ELFN1: variants seen among roughly 807,000 people sequenced by gnomAD.
ELFN1 encodes extracellular leucine rich repeat and fibronectin type III domain containing 1.
Under a neutral mutation model 7.6 loss-of-function variants are expected in ELFN1, and 6 were observed. The observed-to-expected ratio is 0.79, with a 90% CI of 0.43 to 1.56. The LOEUF (loss-of-function observed/expected upper bound fraction) is 1.56, where lower values mean the gene tolerates loss of function less well. ELFN1 is among the 40% of genes most tolerant of loss of function. The probability of loss-of-function intolerance (pLI) is 0.01; values close to 1 mark genes in which losing one functional copy is unlikely to be tolerated. For synonymous variants in ELFN1, 657 were observed against 588.1 expected (o/e 1.12, Z -1.70); for missense variants, 1,169 against 1,232.2 (o/e 0.95, Z 0.77).
rs1311222583 is a variant in ELFN1 at position 1,735,805 on chromosome 7, C to T, written c.-293-8499C>T. On this transcript the variant is annotated intron_variant, in intron 3 of 3. Coordinates refer to ENST00000424383, the MANE Select transcript of ELFN1 (RefSeq NM_001128636.4). The surrounding 1 kb of genome is among the most constrained non-coding windows in gnomAD (Gnocchi z 5.9). Reference sequence around the variant, plus strand: ...GGAAATGAGTGTCTACTGGGCACCCCCTTGTACCCAGCATCATGCCAGGAG... The same window carrying T: ...GGAAATGAGTGTCTACTGGGCACCCTCTTGTACCCAGCATCATGCCAGGAG... Among the ~76,000 whole-genome samples the T allele has an allele frequency of 1.3e-5, 2 of 152,180 alleles. No homozygotes were observed.
intron 3 of ELFN1, among the ~76,000 whole-genome samples, chr7:1,711,874 G>C (rs963483714): frequency 6.6e-6 from 1 of 152,210 alleles, no homozygotes; most frequent in African/African-American, 2.4e-5. Flanking sequence ...GGGGGCGGCA[G>C]CTCGGACCGT....
chr7:1,729,003 T>C (rs1780267393), intron 3 of ELFN1, among the ~76,000 whole-genome samples: 1 of 152,092 alleles, frequency 6.6e-6, no homozygotes, highest in Admixed American at 6.5e-5. Flanking sequence ...ATTCTGCAAA[T>C]CACCCAGCTG....
intron 2 of ELFN1, among the ~76,000 whole-genome samples, chr7:1,703,259 G>A (rs747616562): frequency 2.3e-4 from 35 of 152,120 alleles, no homozygotes; most frequent in Non-Finnish European, 1.8e-4. Context: ...CAATTTGAAC[G>A]AGTTCTTTAC....
In ELFN1 at chr7:1,739,757, G is replaced by C. The variant is rs111964933; in HGVS notation, c.-293-4547G>C. ...CCGAGAGGCTGAGCAAGACAAAAATGGGCCCTGGCAGGGCAGAGGTCACCG... is the reference window on the plus strand; with the variant it reads ...CCGAGAGGCTGAGCAAGACAAAAATCGGCCCTGGCAGGGCAGAGGTCACCG... On this transcript the variant is annotated intron_variant, in intron 3 of 3. Coordinates refer to ENST00000424383, the MANE Select transcript of ELFN1 (RefSeq NM_001128636.4). This position sits in a 1 kb window ranked among gnomAD's most constrained non-coding sequence, Gnocchi z 4.6. Among the ~76,000 whole-genome samples, 5,668 of 152,250 alleles carry C rather than the reference G, an allele frequency of 0.037. 157 individuals carry two copies. The highest frequency in any genetic ancestry group is 0.062 in the Non-Finnish European group (4,211 of 68,002).
intron 2 of ELFN1, 103 bp downstream of exon 2, chr7:1,688,253 A>T (rs558660103): frequency 6.6e-6 from 1 of 152,078 alleles, no homozygotes; most frequent in Non-Finnish European, 1.5e-5. Flanking sequence ...TTTTGATTAC[A>T]TATGTTGAAA....
Position 1,744,978 on chromosome 7 carries a change from C to T in ELFN1, c.382C>T (p.Leu128=), listed in dbSNP as rs774875966. The change falls in exon 4 of 4, where the codon CTG becomes TTG. Residue 128 remains leucine (L), a synonymous_variant. Transcript: ENST00000424383. The part of the protein sequence containing the change: ...NRLRNLTEGM[L]RGLGKLEYLY... ...GCTGCGCAACCTCACGGAGGGCATG[C>T]TGCGCGGCCTGGGCAAGCTGGAGTA... 2 of 1,551,114 alleles carry T rather than the reference C, an allele frequency of 1.3e-6. No individual in the cohort carries two copies. Among genetic ancestry groups the T allele is most frequent in the South Asian group, 1.2e-5 (1 of 84,058 alleles).
At chr7:1,736,945 GA>G (rs201234985) in intron 3 of ELFN1, among the ~76,000 whole-genome samples, 5,123 of 152,136 alleles carry the variant, frequency 0.034, 275 homozygotes, top group African/African-American at 0.12. Flanking sequence ...GAGGGGAGAT[GA>G]TCCAGTTAAA....
rs1428412093 is a variant in ELFN1 at position 1,744,840 on chromosome 7, C to T, written c.244C>T (p.Arg82Cys). The change falls in exon 4 of 4, where the codon CGC becomes TGC. Residue 82 changes from arginine to cysteine, a missense_variant. Arg to Cys is a radical substitution (Grantham distance 180, BLOSUM62 -3). This residue lies in a region of ELFN1 where 255 missense variants were observed against 359.6 expected (regional missense o/e 0.71). Coordinates refer to ENST00000424383, the MANE Select transcript of ELFN1 (RefSeq NM_001128636.4). ...IRSVQYASLS[R>C]FGNLTYLNLT... ...CAGCGTGCAGTACGCCTCGCTCAGC[C>T]GCTTTGGCAACCTCACGTACCTCAA... 6 of 1,574,200 alleles carry T rather than the reference C, an allele frequency of 3.8e-6. No homozygotes were observed. The highest frequency in any genetic ancestry group is 2.7e-5 in the African/African-American group (2 of 74,156).
At chr7:1,723,092 G>C (rs530549941) in intron 3 of ELFN1, among the ~76,000 whole-genome samples, 2 of 152,304 alleles carry the variant, frequency 1.3e-5, no homozygotes, top group South Asian at 4.1e-4. Context: ...TACTCGGGAG[G>C]CTGAGGCAGG....
chr7:1,734,272 G>A (rs745663210), intron 3 of ELFN1, among the ~76,000 whole-genome samples: 2 of 152,126 alleles, frequency 1.3e-5, no homozygotes, highest in East Asian at 1.9e-4. Context: ...CTCCTCTCCC[G>A]GGGCCAGCCA....
chr7:1,746,402 C>T lies in ELFN1; in HGVS notation c.1806C>T (p.Ser602=), dbSNP rs1010455764. The change falls in exon 4 of 4, where the codon TCC becomes TCT. Residue 602 remains serine (S), a synonymous_variant. Coordinates refer to ENST00000424383, the MANE Select transcript of ELFN1 (RefSeq NM_001128636.4). ...CGGAGCCGCCGCTGGTGCTGCTGTC[C>T]GAGCCGCTGGCCGCCAAGCACGGCT... ...SVAEPPLVLL[S]EPLAAKHGFL... 80 of 1,534,706 alleles carry T rather than the reference C, an allele frequency of 5.2e-5. No individual in the cohort carries two copies. The highest frequency in any genetic ancestry group is 1.9e-4 in the African/African-American group (14 of 72,926).
chr7:1,719,071 C>T lies in ELFN1; in HGVS notation c.-294+9819C>T, dbSNP rs557651297. On this transcript the variant is annotated intron_variant, in intron 3 of 3. Transcript: ENST00000424383. ...ACATCTGGGGTTGAATGAGTGCCTC[C>T]ATCTCCACCCCCAGGGGTTACCAAC... 1.3e-3 allele frequency among the ~76,000 whole-genome samples: 198 copies of T among 152,254 alleles called. 1 individual carries two copies. Among genetic ancestry groups the T allele is most frequent in the African/African-American group, 4.6e-3 (190 of 41,518 alleles).
intron 3 of ELFN1, among the ~76,000 whole-genome samples, chr7:1,710,367 G>A (rs1241732562): frequency 2.0e-5 from 3 of 152,220 alleles, no homozygotes; most frequent in East Asian, 3.8e-4. Flanking sequence ...TTTAGAGGGA[G>A]GTATCTCAGG....
At position 1,746,742 on chromosome 7, in the gene ELFN1, C is replaced by T. The variant is rs1027939382; in HGVS notation, c.2146C>T (p.Pro716Ser). 21 of 1,492,478 alleles carry T rather than the reference C, an allele frequency of 1.4e-5. No individual in the cohort carries two copies. The highest frequency in any genetic ancestry group is 1.8e-5 in the Non-Finnish European group (20 of 1,127,888). 92.5% of individuals were successfully genotyped at this position (1,492,478 alleles called of 1,614,324 possible). ...SYPGSHPAEP[P>S]APPGPPPPPP... ...CCCCGGCTCCCACCCGGCCGAGCCA[C>T]CTGCGCCCCCCGGGCCACCGCCGCC... is the stretch of plus-strand genomic sequence containing the variant. Residue 716 changes from proline to serine, a missense_variant, in exon 4 of 4, where the codon CCT becomes TCT. Physicochemically the swap from Pro to Ser is moderately conservative, Grantham distance 74 (BLOSUM62 -1). Coordinates refer to ENST00000424383, the MANE Select transcript of ELFN1 (RefSeq NM_001128636.4).
intron 2 of ELFN1, among the ~76,000 whole-genome samples, chr7:1,707,840 T>G (rs2128586945): frequency 6.6e-6 from 1 of 152,252 alleles, no homozygotes; most frequent in Admixed American, 6.5e-5. Flanking sequence ...CACACACACT[T>G]CCTCCAGCTA....
At chr7:1,729,944 T>C (rs1011016823) in intron 3 of ELFN1, among the ~76,000 whole-genome samples, 5 of 152,040 alleles carry the variant, frequency 3.3e-5, no homozygotes, top group African/African-American at 4.8e-5. Flanking sequence ...CCCCAGGAGG[T>C]GGGCGGGGGT....
rs947324935 is a variant in ELFN1, at chr7:1,694,172, T to C, written c.-456+6022T>C. 2.8e-5 allele frequency: 6 copies of C among 214,622 alleles called. No homozygotes were observed. In the East Asian group the frequency reaches 6.0e-4, roughly 22 times the overall value. The allele number at this position is 214,622 out of a possible 1,614,324, so 13.3% of individuals were successfully genotyped here. A position where few individuals can be genotyped will look rare whatever the true frequency, so the allele number is the denominator to read the frequency against. ...GACCCAGGCCCCTCACACTCCACCA[T>C]GCCCACCTCCATCTGGAAGGAGGCA... is the stretch of plus-strand genomic sequence containing the variant. On this transcript the variant is annotated intron_variant, in intron 2 of 3. Transcript: ENST00000424383.
At chr7:1,742,254 T>C (rs1346225793) in intron 3 of ELFN1, 2 of 152,244 alleles carry the variant, frequency 1.3e-5, no homozygotes, top group African/African-American at 4.8e-5. Context: ...GTGATTACGA[T>C]TGTGGCTGAG....
At chr7:1,737,172 C>T (rs566057706) in intron 3 of ELFN1, among the ~76,000 whole-genome samples, 1 of 152,136 alleles carries the variant, frequency 6.6e-6, no homozygotes, top group African/African-American at 2.4e-5. Flanking sequence ...TGGGGCCCTT[C>T]GAGCGCAGCT....
Sources: gnomAD v4.1 joint callset for allele counts (sites outside exome capture counted in the v4.1 genomes callset) on GRCh38, gnomAD v4.1.1 for gene constraint, gnomAD v4.1.1 regional missense constraint, Gnocchi (gnomAD v3.1) non-coding constraint, MANE v1.5 for transcripts, NCBI Gene and HGNC (gene_info 2026-07-23, HGNC 2026-07-21) for gene names.